DHPS: variants seen among roughly 807,000 people sequenced by gnomAD.
DHPS encodes migration-inducing gene 13.
A neutral mutation model predicts 38.7 loss-of-function variants in DHPS; 24 were observed. The ratio of observed to expected loss-of-function variants is 0.62; its 90% CI spans 0.45 to 0.87. The LOEUF (loss-of-function observed/expected upper bound fraction) is 0.87, where lower values mean the gene tolerates loss of function less well. Ranked by LOEUF, DHPS falls within the 40% of genes least tolerant of loss-of-function variation. The pLI is 0.00. For missense variants in DHPS, 510 were observed against 497.6 expected, an observed-to-expected ratio of 1.02 and a Z score of -0.24; for synonymous variants, 250 against 204.4, an observed-to-expected ratio of 1.22 and a Z score of -1.90.
intron 5 of DHPS, among the ~76,000 whole-genome samples, chr19:12,678,944 C>T (rs2024707544): frequency 6.6e-6 from 1 of 150,932 alleles, no homozygotes; most frequent in South Asian, 2.1e-4. Context: ...CAGAGATAGT[C>T]TGGGAGGAGC....
intron 5 of DHPS, among the ~76,000 whole-genome samples, chr19:12,678,557 G>A (rs2024691607): frequency 6.6e-6 from 1 of 151,814 alleles, no homozygotes; most frequent in South Asian, 2.1e-4. Context: ...ATCACTTGAG[G>A]TCAGGAGTTC....
chr19:12,676,209 C>A, intron 7 of DHPS, 67 bp from the exon 8 acceptor site: 1 of 1,514,830 alleles, frequency 6.6e-7, no homozygotes. Flanking sequence ...AGAGGGAGGA[C>A]ACCGTAGCCA....
downstream of DHPS, chr19:12,675,687 C>A (rs918849310): frequency 6.3e-7 from 1 of 1,598,760 alleles, no homozygotes; most frequent in Non-Finnish European, 8.5e-7. Flanking sequence ...AGGGGACCCA[C>A]CAACAGGACC....
chr19:12,681,502 G>A (rs2024811967), intron 1 of DHPS, 58 bp downstream of exon 1: 2 of 1,588,380 alleles, frequency 1.3e-6, no homozygotes, highest in Non-Finnish European at 1.7e-6. Flanking sequence ...GTCTAGTACC[G>A]CGTTGGTTCT....
chr19:12,677,463 A>G (rs1021333751), intron 5 of DHPS, 67 bp from the exon 6 acceptor site: 2 of 1,370,732 alleles, frequency 1.5e-6, no homozygotes, highest in Non-Finnish European at 2.0e-6. Context: ...CTATATGACT[A>G]TCTGACTGTG....
intron 5 of DHPS, 38 bp downstream of exon 5, chr19:12,679,419 C>T: frequency 6.3e-7 from 1 of 1,584,878 alleles, no homozygotes; most frequent in South Asian, 1.1e-5. Context: ...TTAACACATG[C>T]CAAAGTCTGG....
chr19:12,675,548 T>G, downstream of DHPS: 1 of 1,606,072 alleles, frequency 6.2e-7, no homozygotes, highest in Non-Finnish European at 8.5e-7. Context: ...GCCCTGCCTG[T>G]GGGTTCCGGT....
downstream of DHPS, chr19:12,672,697 T>C (rs759398068): frequency 3.5e-5 from 26 of 745,690 alleles, no homozygotes; most frequent in Non-Finnish European, 5.0e-5. Flanking sequence ...TAGGACGTAA[T>C]TGGCCCTGGG....
At chr19:12,673,392 G>T, downstream of DHPS, 1 of 825,266 alleles carries the variant, frequency 1.2e-6, no homozygotes, top group Non-Finnish European at 2.0e-6. Context: ...AGTCACTCCA[G>T]GGCCTGAAGG....
At chr19:12,677,956 AAAGAG>A in intron 5 of DHPS, among the ~76,000 whole-genome samples, 2 of 149,956 alleles carry the variant, frequency 1.3e-5, no homozygotes, top group Non-Finnish European at 3.0e-5. Flanking sequence ...ATTCTTTTTT[AAAGAG>A]CCAGCTTGTG....
chr19:12,680,262 G>A lies in DHPS; in HGVS notation c.271C>T (p.Arg91Cys), dbSNP rs754302213. 12 of 1,613,992 alleles carry A rather than the reference G, an allele frequency of 7.4e-6. No homozygotes were observed. The highest frequency in any genetic ancestry group is 2.7e-5 in the African/African-American group (2 of 74,896). Reference protein sequence around the residue: ...EDQHADLTQSRRPLTSCTIFL... With the variant: ...EDQHADLTQSCRPLTSCTIFL... ...ATGGTGCAGCTGGTAAGTGGGCGGC[G>A]GCTCTGGGTCAGGTCCGCGTGCTGG... The change falls in exon 2 of 9, where the codon CGC becomes TGC. Residue 91 changes from arginine (R) to cysteine (C), a missense_variant. Transcript: ENST00000210060.
At chr19:12,674,724 T>C (rs1024199687), downstream of DHPS, among the ~76,000 whole-genome samples, 2 of 152,112 alleles carry the variant, frequency 1.3e-5, no homozygotes, top group African/African-American at 4.8e-5. Context: ...GAGCAAGGCA[T>C]GCTCCAAACA....
At chr19:12,679,408 G>A in intron 5 of DHPS, 49 bp downstream of exon 5, 5 of 1,552,860 alleles carry the variant, frequency 3.2e-6, no homozygotes, top group Non-Finnish European at 4.4e-6. Context: ...GATGAAATAA[G>A]TTAACACATG....
rs367826439 is a variant in DHPS, at chr19:12,677,388, G to A, written c.687C>T (p.Ile229=). 6 of 1,613,758 alleles carry A rather than the reference G, an allele frequency of 3.7e-6. No individual in the cohort carries two copies. Among genetic ancestry groups the A allele is most frequent in the Non-Finnish European group, 4.2e-6 (5 of 1,179,812 alleles). ...CTGTAAGTGCGGGACTAAACACAGG[G>A]ATGTGGTTCTGCAGAGAACATGACA... ...SVYYWAQKNH[I]PVFSPALTDG... Residue 229 remains isoleucine (I), a synonymous_variant, in exon 6 of 9, where the codon ATC becomes ATT. Transcript: ENST00000210060.
At chr19:12,672,865 G>C (rs1362245515), downstream of DHPS, 1 of 1,589,790 alleles carries the variant, frequency 6.3e-7, no homozygotes, top group Non-Finnish European at 8.6e-7. Context: ...ATGGCCGCGT[G>C]AGACGCTATG....
At chr19:12,680,023 G>A in intron 2 of DHPS, 101 bp from the exon 3 acceptor site, 1 of 1,555,578 alleles carries the variant, frequency 6.4e-7, no homozygotes, top group Non-Finnish European at 8.7e-7. Flanking sequence ...TCTTATGAGG[G>A]AGCTCTGCTA....
rs538982132 is a variant in DHPS, at chr19:12,681,349, G to A, written c.207+211C>T. 3.9e-5 allele frequency: 40 copies of A among 1,013,086 alleles called. No homozygotes were observed. In the South Asian group the frequency reaches 5.1e-4, roughly 13 times the overall value. The allele number at this position is 1,013,086 out of a possible 1,614,324, so 62.8% of individuals were successfully genotyped here. A position where few individuals can be genotyped will look rare whatever the true frequency, so the allele number is the denominator to read the frequency against. ...CAAGAATCAGTCCTCGCCTCCTCAG[G>A]TTACCGTACCAGCATGTAACTACCA... On this transcript the variant is annotated intron_variant, in intron 1 of 8. Coordinates refer to ENST00000210060, the MANE Select transcript of DHPS (RefSeq NM_001930.4).
chr19:12,679,730 G>A lies in DHPS; in HGVS notation c.495-11C>T, dbSNP rs942013961. 1.2e-6 allele frequency: 2 copies of A among 1,614,006 alleles called. No homozygotes were observed. The highest frequency in any genetic ancestry group is 1.3e-5 in the African/African-American group (1 of 74,924). On this transcript the variant is annotated splice_polypyrimidine_tract_variant and intron_variant, in intron 3 of 8. Transcript: ENST00000210060. ...AGCAGGTTTCCGATCCTGAGAACAG[G>A]AGGCATGTAGGCATCAGGCCCCAGG...
chr19:12,674,515 C>T (rs1033938673), downstream of DHPS, among the ~76,000 whole-genome samples: 3 of 152,212 alleles, frequency 2.0e-5, no homozygotes, highest in African/African-American at 7.2e-5. Flanking sequence ...AATGTTCCAC[C>T]TATTTCTTAT....
Sources: allele counts gnomAD v4.1 joint callset (sites outside exome capture counted in the v4.1 genomes callset), GRCh38; gene constraint gnomAD v4.1.1; transcripts MANE v1.5; gene names NCBI Gene and HGNC (gene_info 2026-07-23, HGNC 2026-07-21).